Variants in ZBTB7C observed in about 807,000 individuals in gnomAD.
ZBTB7C encodes zinc finger and BTB domain-containing protein 7C.
Under a neutral mutation model 25.7 loss-of-function variants are expected in ZBTB7C, and 8 were observed. The observed-to-expected ratio is 0.31, with a 90% CI of 0.18 to 0.56. The LOEUF (loss-of-function observed/expected upper bound fraction) is 0.56, where lower values mean the gene tolerates loss of function less well. ZBTB7C is among the 20% of genes least tolerant of loss of function. ZBTB7C has a pLI of 0.91. For missense variants in ZBTB7C, 824 were observed against 855.2 expected (o/e 0.96, Z 0.46); for synonymous variants, 394 against 369.0 (o/e 1.07, Z -0.78).
At chr18:48,054,919 A>G (rs2036852554) in intron 3 of ZBTB7C, among the ~76,000 whole-genome samples, 1 of 152,068 alleles carries the variant, frequency 6.6e-6, no homozygotes, top group South Asian at 2.1e-4. Flanking sequence ...TTGGAAACTC[A>G]TTTGTCCCCT....
intron 3 of ZBTB7C, among the ~76,000 whole-genome samples, chr18:48,161,797 T>C (rs1406511540): frequency 6.8e-6 from 1 of 146,728 alleles, no homozygotes; most frequent in Non-Finnish European, 1.5e-5. Context: ...CCCTCCACTC[T>C]GCGCCCCCGC....
chr18:48,207,570 C>CATCT (rs35634878), intron 2 of ZBTB7C, among the ~76,000 whole-genome samples: 21,405 of 147,022 alleles, frequency 0.15, 1,549 homozygotes, highest in Middle Eastern at 0.17. Context: ...CACTGCCTAT[C>CATCT]ATCTATCTAT....
chr18:48,052,279 T>C (rs1268334817), intron 3 of ZBTB7C, among the ~76,000 whole-genome samples: 1 of 152,220 alleles, frequency 6.6e-6, no homozygotes, highest in Non-Finnish European at 1.5e-5. Context: ...TGTAGCCATT[T>C]CTGCCCAAAG....
chr18:48,186,254 A>G (rs2042051649), intron 2 of ZBTB7C, among the ~76,000 whole-genome samples: 1 of 152,082 alleles, frequency 6.6e-6, no homozygotes, highest in South Asian at 2.1e-4. Flanking sequence ...CAGATTGACC[A>G]CTGCCTCCAA....
intron 1 of ZBTB7C, among the ~76,000 whole-genome samples, chr18:48,396,805 T>C (rs890342044): frequency 2.0e-5 from 3 of 152,222 alleles, no homozygotes; most frequent in African/African-American, 7.2e-5. Context: ...ATTCTTATGC[T>C]GAACCACGAG....
intron 3 of ZBTB7C, among the ~76,000 whole-genome samples, chr18:48,106,556 A>G (rs1361779821): frequency 6.6e-6 from 1 of 152,106 alleles, no homozygotes; most frequent in Non-Finnish European, 1.5e-5. Context: ...GAGTCAGAGG[A>G]GGGGCAGGAG....
At chr18:48,203,538 G>C (rs1281615377) in intron 2 of ZBTB7C, 1 of 152,258 alleles carries the variant, frequency 6.6e-6, no homozygotes, top group African/African-American at 2.4e-5. Context: ...CCATATTCCA[G>C]AAACATCAAC....
chr18:48,232,919 T>C (rs973033109), intron 2 of ZBTB7C, among the ~76,000 whole-genome samples: 2 of 152,068 alleles, frequency 1.3e-5, no homozygotes, highest in African/African-American at 4.8e-5. Flanking sequence ...TGGTTGAGTG[T>C]TGGAGGTGAA....
intron 3 of ZBTB7C, among the ~76,000 whole-genome samples, chr18:48,158,117 G>A (rs1469042668): frequency 6.6e-6 from 1 of 152,140 alleles, no homozygotes; most frequent in Non-Finnish European, 1.5e-5. Context: ...TATCTGGTCT[G>A]GACAAGCTGA....
chr18:48,097,153 T>C (rs1161525434), intron 3 of ZBTB7C, among the ~76,000 whole-genome samples: 1 of 152,198 alleles, frequency 6.6e-6, no homozygotes. Flanking sequence ...ACATAGTTGA[T>C]TGGATCAGCG....
chr18:48,183,092 C>T (rs945073914), intron 3 of ZBTB7C, among the ~76,000 whole-genome samples: 2 of 152,042 alleles, frequency 1.3e-5, no homozygotes, highest in African/African-American at 2.4e-5. Context: ...AGTTCGAAAA[C>T]GTTTGTAAAG....
chr18:48,030,001 G>A lies in ZBTB7C; in HGVS notation c.1209-90C>T. On this transcript the variant is annotated intron_variant, in intron 4 of 4. Coordinates refer to ENST00000590800, the MANE Select transcript of ZBTB7C (RefSeq NM_001318841.2). ...TCCCCCTTTCTCCAGAACCAGCCGA[G>A]GCTCCCTACTGCCATGGAGTCAAAC... 5 of 1,555,134 alleles carry A rather than the reference G, an allele frequency of 3.2e-6. No individual in the cohort carries two copies. In the South Asian group the frequency reaches 4.5e-5, roughly 14 times the overall value.
chr18:48,234,902 T>C (rs375349841), intron 2 of ZBTB7C, among the ~76,000 whole-genome samples: 129 of 152,342 alleles, frequency 8.5e-4, no homozygotes, highest in African/African-American at 3.1e-3. Context: ...GATACCTTCC[T>C]AGAGAATTGA....
intron 2 of ZBTB7C, among the ~76,000 whole-genome samples, chr18:48,256,973 A>G (rs552126133): frequency 6.6e-6 from 1 of 152,166 alleles, no homozygotes; most frequent in Admixed American, 6.5e-5. Context: ...AGATGAATAG[A>G]AAACAAATAG....
chr18:48,227,019 C>CAAAAA (rs1187830776), intron 2 of ZBTB7C, among the ~76,000 whole-genome samples: 109 of 55,990 alleles, frequency 1.9e-3, no homozygotes, highest in Middle Eastern at 9.3e-3. Context: ...GACTCCATCT[C>CAAAAA]AAAAAAAAAA....
At chr18:48,111,716 C>T (rs1027029270) in intron 3 of ZBTB7C, among the ~76,000 whole-genome samples, 12 of 152,194 alleles carry the variant, frequency 7.9e-5, no homozygotes. Flanking sequence ...CGGGTGTCTG[C>T]ACTCACTCAT....
intron 2 of ZBTB7C, among the ~76,000 whole-genome samples, chr18:48,186,865 T>C (rs2042068787): frequency 6.6e-6 from 1 of 152,030 alleles, no homozygotes; most frequent in Admixed American, 6.6e-5. Context: ...TTTTCGAAGG[T>C]GGGGAAATAA....
At chr18:48,270,065 C>G (rs1388037638) in intron 2 of ZBTB7C, among the ~76,000 whole-genome samples, 3 of 152,030 alleles carry the variant, frequency 2.0e-5, no homozygotes, top group Admixed American at 2.0e-4. Flanking sequence ...GTAACACTAT[C>G]AGTGTCAGAC....
chr18:48,362,747 A>C (rs1170943454), intron 1 of ZBTB7C, among the ~76,000 whole-genome samples: 1 of 152,110 alleles, frequency 6.6e-6, no homozygotes, highest in East Asian at 1.9e-4. Context: ...GTAACTCCAC[A>C]CACCCCCAAA....
Sources: allele counts gnomAD v4.1 joint callset (sites outside exome capture counted in the v4.1 genomes callset), GRCh38; gene constraint gnomAD v4.1.1; transcripts MANE v1.5; gene names NCBI Gene and HGNC (gene_info 2026-07-23, HGNC 2026-07-21).